The following PIK3CB variants were observed in gnomAD, a reference collection of about 807,000 sequenced individuals.
PIK3CB encodes phosphatidylinositol-4,5-bisphosphate 3-kinase catalytic subunit beta, also known as phosphatidylinositol 4,5-bisphosphate 3-kinase catalytic subunit beta isoform.
PIK3CB carries 39 observed loss-of-function variants against 136.8 expected under a neutral mutation model. The observed-to-expected ratio is 0.29, with a 90% CI of 0.22 to 0.37. PIK3CB has a LOEUF of 0.37. PIK3CB is among the 10% of genes least tolerant of loss of function. PIK3CB has a pLI of 1.00. For missense variants in PIK3CB, 868 were observed against 1,275.4 expected, an observed-to-expected ratio of 0.68 and a Z score of 4.87; for synonymous variants, 428 against 436.6, an observed-to-expected ratio of 0.98 and a Z score of 0.25.
chr3:138,677,904 A>G (rs183771512), intron 19 of PIK3CB, among the ~76,000 whole-genome samples: 58 of 152,344 alleles, frequency 3.8e-4, no homozygotes, highest in African/African-American at 1.4e-3. Context: ...TTCAAACAAA[A>G]AAAACTTGTT....
intron 1 of PIK3CB, among the ~76,000 whole-genome samples, chr3:138,820,236 T>C (rs1271399736): frequency 3.3e-5 from 5 of 152,190 alleles, no homozygotes; most frequent in African/African-American, 1.2e-4. Flanking sequence ...CCTGCTCTCA[T>C]TCCTGAAACA....
At position 138,692,998 on chromosome 3, in the gene PIK3CB, A is replaced by G. The variant is rs146325838; in HGVS notation, c.1892+1788T>C. On this transcript the variant is annotated intron_variant, in intron 14 of 23. Transcript: ENST00000674063. The stretch of plus-strand genomic sequence containing the variant: ...ATTAAATAAGATATATCCCTATGAC[A>G]GAATATTACACAGTAGTGAAAGGAA... Among the ~76,000 whole-genome samples the G allele has an allele frequency of 3.0e-3, 454 of 152,358 alleles. 4 individuals are homozygous for G. The highest frequency in any genetic ancestry group is 0.011 in the African/African-American group (440 of 41,584).
intron 19 of PIK3CB, among the ~76,000 whole-genome samples, chr3:138,680,348 A>T: frequency 6.6e-6 from 1 of 151,732 alleles, no homozygotes; most frequent in Non-Finnish European, 1.5e-5. Flanking sequence ...ACAGAGCGAG[A>T]CTGTCTCAAA....
At chr3:138,664,150 C>A (rs775468022) in intron 20 of PIK3CB, 121 bp from the exon 21 acceptor site, 2 of 1,129,338 alleles carry the variant, frequency 1.8e-6, no homozygotes, top group Non-Finnish European at 2.5e-6. Context: ...CTGCCAAAAC[C>A]GTATGAGAGA....
At chr3:138,663,616 A>G (rs542440914) in intron 21 of PIK3CB, among the ~76,000 whole-genome samples, 88 of 152,272 alleles carry the variant, frequency 5.8e-4, no homozygotes, top group Admixed American at 2.3e-3. Context: ...TCCTGACCTC[A>G]GGTAATCCGG....
chr3:138,744,801 T>C (rs1297565156), intron 4 of PIK3CB, among the ~76,000 whole-genome samples: 1 of 152,224 alleles, frequency 6.6e-6, no homozygotes, highest in African/African-American at 2.4e-5. Flanking sequence ...CTGTTTCTTC[T>C]ACATCTTCTT....
intron 1 of PIK3CB, among the ~76,000 whole-genome samples, chr3:138,800,094 G>A (rs139817357): frequency 2.0e-5 from 3 of 152,136 alleles, no homozygotes; most frequent in Non-Finnish European, 4.4e-5. Context: ...CTTTCAGCTT[G>A]CAATGTGCTG....
At chr3:138,683,006 G>A (rs752586876) in intron 18 of PIK3CB, among the ~76,000 whole-genome samples, 6 of 152,066 alleles carry the variant, frequency 3.9e-5, no homozygotes, top group Non-Finnish European at 7.4e-5. Context: ...ACAAAACTAT[G>A]GCAGCAAAAT....
intron 4 of PIK3CB, among the ~76,000 whole-genome samples, chr3:138,744,220 C>T (rs145132504): frequency 9.9e-5 from 15 of 151,000 alleles, no homozygotes; most frequent in African/African-American, 3.4e-4. Context: ...GGAGAAACCC[C>T]ATCTCTACTA....
chr3:138,699,173 T>A, intron 12 of PIK3CB, 78 bp from the exon 13 acceptor site: 2 of 422,024 alleles, frequency 4.7e-6, no homozygotes, highest in Non-Finnish European at 7.9e-6. Flanking sequence ...TATATATATT[T>A]ATATATAATA....
intron 12 of PIK3CB, 100 bp from the exon 13 acceptor site, chr3:138,699,195 G>T: frequency 6.4e-5 from 21 of 326,978 alleles, no homozygotes; most frequent in Middle Eastern, 8.9e-4. Context: ...ATGAACCTAA[G>T]TATGTGAGAT....
intron 19 of PIK3CB, among the ~76,000 whole-genome samples, chr3:138,667,663 G>A (rs2043443832): frequency 6.6e-6 from 1 of 151,176 alleles, no homozygotes; most frequent in African/African-American, 2.4e-5. Flanking sequence ...CCGGGTTCAC[G>A]TCATTATCCT....
intron 19 of PIK3CB, 31 bp from the exon 20 acceptor site, chr3:138,665,234 AT>A: frequency 6.8e-7 from 1 of 1,475,334 alleles, no homozygotes. Context: ...ATAGAGTCAT[AT>A]TTTCCTTAAA....
chr3:138,747,819 T>C (rs997033326), intron 4 of PIK3CB, among the ~76,000 whole-genome samples: 3 of 152,216 alleles, frequency 2.0e-5, no homozygotes, highest in African/African-American at 7.2e-5. Flanking sequence ...TATCCACGTA[T>C]AAGTGGCCCT....
chr3:138,806,360 C>A (rs1215726301), intron 1 of PIK3CB, among the ~76,000 whole-genome samples: 1 of 152,100 alleles, frequency 6.6e-6, no homozygotes, highest in African/African-American at 2.4e-5. Flanking sequence ...GTGATGCACG[C>A]TTGTAGTCCC....
At chr3:138,693,321 C>G (rs112927851) in intron 14 of PIK3CB, among the ~76,000 whole-genome samples, 7 of 152,160 alleles carry the variant, frequency 4.6e-5, no homozygotes, top group African/African-American at 1.7e-4. Context: ...GTCTCAAACT[C>G]CTGGGCTCAT....
At chr3:138,780,684 T>G (rs192387570) in intron 2 of PIK3CB, among the ~76,000 whole-genome samples, 1 of 152,276 alleles carries the variant, frequency 6.6e-6, no homozygotes, top group African/African-American at 2.4e-5. Context: ...CTCTGAGACT[T>G]TTTTCTGAGT....
chr3:138,664,849 G>C (rs2043374452), intron 20 of PIK3CB, among the ~76,000 whole-genome samples, 187 bp downstream of exon 20: 1 of 152,144 alleles, frequency 6.6e-6, no homozygotes, highest in African/African-American at 2.4e-5. Flanking sequence ...AGATAAAGTA[G>C]AATTCAACAT....
intron 2 of PIK3CB, among the ~76,000 whole-genome samples, chr3:138,782,372 G>A (rs905487374): frequency 6.6e-6 from 1 of 152,218 alleles, no homozygotes; most frequent in African/African-American, 2.4e-5. Flanking sequence ...ATGAAGAAAC[G>A]ATGGAAACAC....
Sources: allele counts gnomAD v4.1 joint callset (sites outside exome capture counted in the v4.1 genomes callset), GRCh38; gene constraint gnomAD v4.1.1; transcripts MANE v1.5; gene names NCBI Gene and HGNC (gene_info 2026-07-23, HGNC 2026-07-21).